FBP2: variants seen among roughly 807,000 people sequenced by gnomAD.
The protein encoded by FBP2 is fructose-1,6-bisphosphatase isozyme 2.
A neutral mutation model predicts 31.6 loss-of-function variants in FBP2; 27 were observed. The observed-to-expected ratio is 0.85, with a 90% CI of 0.63 to 1.18. The LOEUF (loss-of-function observed/expected upper bound fraction) is 1.18. Among genes scored for constraint, FBP2 ranks in the 50% most tolerant of loss-of-function variants. The probability of loss-of-function intolerance (pLI) is 0.00; values close to 1 mark genes in which losing one functional copy is unlikely to be tolerated. For synonymous variants in FBP2, 168 were observed against 179.8 expected, an observed-to-expected ratio of 0.93 and a Z score of 0.53; for missense variants, 421 against 436.1, an observed-to-expected ratio of 0.97 and a Z score of 0.31.
chr9:94,591,490 G>C lies in FBP2; in HGVS notation c.170+2067C>G, dbSNP rs530067413. On this transcript the variant is annotated intron_variant, in intron 1 of 6. Coordinates refer to ENST00000375337, the MANE Select transcript of FBP2 (RefSeq NM_003837.4). ...CCGGAACTCCAGCTGGCCCGCAAGC[G>C]CCGCACGCAGCCCCAGTTCCCGCTC... 2.0e-3 allele frequency among the ~76,000 whole-genome samples: 307 copies of C among 152,320 alleles called. 2 individuals carry two copies. The highest frequency in any genetic ancestry group is 5.5e-3 in the Admixed American group (84 of 15,300).
At chr9:94,571,397 C>T in intron 4 of FBP2, 65 bp downstream of exon 4, 1 of 1,454,910 alleles carries the variant, frequency 6.9e-7, no homozygotes. Context: ...TCGCAGAGAA[C>T]TGGCATTAAG....
At chr9:94,593,334 T>C (rs1827521841) in intron 1 of FBP2, among the ~76,000 whole-genome samples, 1 of 152,210 alleles carries the variant, frequency 6.6e-6, no homozygotes, top group Non-Finnish European at 1.5e-5. Flanking sequence ...CTGGAAAAAT[T>C]ATATGTGTAT....
At chr9:94,584,422 G>T (rs893408363) in intron 3 of FBP2, among the ~76,000 whole-genome samples, 155 bp downstream of exon 3, 8 of 152,174 alleles carry the variant, frequency 5.3e-5, no homozygotes, top group Non-Finnish European at 1.0e-4. Flanking sequence ...CTAATGAGGA[G>T]CCCCAGGCAG....
intron 3 of FBP2, 141 bp downstream of exon 3, chr9:94,584,436 A>G: frequency 1.6e-6 from 1 of 628,434 alleles, no homozygotes; most frequent in East Asian, 2.8e-5. Context: ...CAGGCAGAGA[A>G]AAGTTGGTGG....
rs1315693095 is a variant in FBP2 at position 94,559,938 on chromosome 9, G to C, written c.826-806C>G. 3.9e-5 allele frequency among the ~76,000 whole-genome samples: 6 copies of C among 152,236 alleles called. No homozygotes were observed. In the East Asian group the frequency reaches 7.7e-4, roughly 20 times the overall value. On this transcript the variant is annotated intron_variant, in intron 6 of 6. Transcript: ENST00000375337. ...AGTCCAGGCATTTGAGACCCCATTT[G>C]AGATAGTGAGACCCCATCTCTACAA...
intron 6 of FBP2, 50 bp downstream of exon 6, chr9:94,563,292 T>G (rs1391250095): frequency 1.9e-6 from 3 of 1,593,126 alleles, no homozygotes; most frequent in Non-Finnish European, 2.6e-6. Flanking sequence ...GGGAGGGAGC[T>G]CCCCCACCTC....
intron 3 of FBP2, among the ~76,000 whole-genome samples, chr9:94,583,758 C>G (rs1413065775): frequency 6.6e-6 from 1 of 152,180 alleles, no homozygotes; most frequent in African/African-American, 2.4e-5. Flanking sequence ...CACCATCACC[C>G]TGGCTAATTT....
At chr9:94,583,384 CA>C (rs1247193307) in intron 3 of FBP2, among the ~76,000 whole-genome samples, 10 of 152,110 alleles carry the variant, frequency 6.6e-5, no homozygotes, top group Non-Finnish European at 5.9e-5. Context: ...AACTACAACC[CA>C]AGGCAACACT....
intron 1 of FBP2, among the ~76,000 whole-genome samples, chr9:94,591,561 C>T (rs1301044701): frequency 6.6e-6 from 1 of 152,214 alleles, no homozygotes; most frequent in East Asian, 1.9e-4. Flanking sequence ...GAGTGGGCTC[C>T]AGCCTTGGCC....
chr9:94,590,477 T>C (rs1445512033), intron 1 of FBP2, among the ~76,000 whole-genome samples: 1 of 151,898 alleles, frequency 6.6e-6, no homozygotes, highest in African/African-American at 2.4e-5. Context: ...TGTCCGGAAT[T>C]GGTAGGTTCT....
intron 3 of FBP2, among the ~76,000 whole-genome samples, chr9:94,576,961 C>T (rs949826133): frequency 6.6e-6 from 1 of 152,156 alleles, no homozygotes; most frequent in Non-Finnish European, 1.5e-5. Flanking sequence ...TCCCTCCCCC[C>T]ACTTCTTCCA....
At chr9:94,585,339 A>G (rs1323385880) in intron 2 of FBP2, among the ~76,000 whole-genome samples, 1 of 152,160 alleles carries the variant, frequency 6.6e-6, no homozygotes, top group Non-Finnish European at 1.5e-5. Context: ...AGCTTCCAGC[A>G]TATGCTGGGA....
chr9:94,566,018 A>T (rs1438065071), intron 5 of FBP2, among the ~76,000 whole-genome samples: 1 of 152,234 alleles, frequency 6.6e-6, no homozygotes, highest in Non-Finnish European at 1.5e-5. Flanking sequence ...GAAAAAGCCC[A>T]GGAAAGTTCA....
intron 1 of FBP2, among the ~76,000 whole-genome samples, chr9:94,591,315 G>C (rs1174848353): frequency 1.3e-5 from 2 of 152,258 alleles, no homozygotes; most frequent in East Asian, 3.9e-4. Context: ...GGCCCAGCGA[G>C]AAATCGAGCG....
chr9:94,583,521 C>T (rs138748928), intron 3 of FBP2, among the ~76,000 whole-genome samples: 35 of 152,308 alleles, frequency 2.3e-4, no homozygotes, highest in African/African-American at 7.7e-4. Context: ...TCTGTAAGAG[C>T]ACGGTTTAAT....
At chr9:94,582,608 C>T (rs938285473) in intron 3 of FBP2, among the ~76,000 whole-genome samples, 4 of 146,004 alleles carry the variant, frequency 2.7e-5, no homozygotes, top group East Asian at 4.0e-4. Flanking sequence ...AGTGCAGTGG[C>T]GCGATCTTGG....
At chr9:94,565,789 TGATA>T (rs150023779) in intron 5 of FBP2, among the ~76,000 whole-genome samples, 12,708 of 146,740 alleles carry the variant, frequency 0.087, 1,117 homozygotes, top group African/African-American at 0.22. Context: ...GATAGATAGA[TGATA>T]GATAGGTGAG....
chr9:94,567,140 A>T, intron 5 of FBP2, 130 bp downstream of exon 5: 2 of 855,688 alleles, frequency 2.3e-6, no homozygotes, highest in Non-Finnish European at 3.7e-6. Flanking sequence ...AGAGTCCATC[A>T]TCTTCATACT....
chr9:94,559,255 A>G (rs1827057867), intron 6 of FBP2, 123 bp from the exon 7 acceptor site: 3 of 782,506 alleles, frequency 3.8e-6, no homozygotes, highest in Middle Eastern at 3.8e-4. Flanking sequence ...TGAGCGCACC[A>G]TGCACCTTGC....
Sources: allele counts gnomAD v4.1 joint callset (sites outside exome capture counted in the v4.1 genomes callset), GRCh38; gene constraint gnomAD v4.1.1; transcripts MANE v1.5; gene names NCBI Gene and HGNC (gene_info 2026-07-23, HGNC 2026-07-21).